PIK3C2G: variants seen among roughly 807,000 people sequenced by gnomAD.
PIK3C2G encodes phosphatidylinositol-4-phosphate 3-kinase catalytic subunit type 2 gamma, also known as phosphatidylinositol 3-kinase C2 domain-containing subunit gamma.
In PIK3C2G, 168 loss-of-function variants were observed where a neutral mutation model predicts 181.1. The ratio of observed to expected loss-of-function variants is 0.93; its 90% CI spans 0.82 to 1.05. PIK3C2G has a LOEUF of 1.05. PIK3C2G is among the 50% of genes least tolerant of loss of function. PIK3C2G has a pLI of 0.00. For missense variants in PIK3C2G, 1,869 were observed against 1,732.8 expected (o/e 1.08, Z -1.40); for synonymous variants, 573 against 592.2 (o/e 0.97, Z 0.47).
At chr12:18,267,020 T>C (rs1413856893) in intron 1 of PIK3C2G, among the ~76,000 whole-genome samples, 1 of 152,126 alleles carries the variant, frequency 6.6e-6, no homozygotes, top group Non-Finnish European at 1.5e-5. Flanking sequence ...GTTTCTACTT[T>C]TTCTGATTTA....
chr12:18,629,782 G>A lies in PIK3C2G; in HGVS notation c.4183-10647G>A, dbSNP rs116464363. 9.3e-3 allele frequency among the ~76,000 whole-genome samples: 1,409 copies of A among 152,226 alleles called. 19 individuals are homozygous for A. Among genetic ancestry groups the A allele is most frequent in the African/African-American group, 0.032 (1,311 of 41,530 alleles). On this transcript the variant is annotated intron_variant, in intron 31 of 32. Transcript: ENST00000538779. The stretch of plus-strand genomic sequence containing the variant: ...TCAGAGACATGCCTTCAGATGGCTA[G>A]CTGTTTAGGGTAAACACCTAGGATA...
chr12:18,536,882 G>A (rs189794506), intron 24 of PIK3C2G, among the ~76,000 whole-genome samples: 1 of 152,192 alleles, frequency 6.6e-6, no homozygotes, highest in African/African-American at 2.4e-5. Context: ...GTATGTATGT[G>A]CTCAATAAAT....
chr12:18,692,420 T>C, the PIK3C2G span, among the ~76,000 whole-genome samples: 1 of 152,170 alleles, frequency 6.6e-6, no homozygotes, highest in Non-Finnish European at 1.5e-5. Flanking sequence ...AAAATAAGCA[T>C]AGCACTTAGG....
rs1410617365 is a variant in PIK3C2G, at chr12:18,540,280, A to C, written c.3480+1968A>C. On this transcript the variant is annotated intron_variant, in intron 25 of 32. Transcript: ENST00000538779. ...CATTTCTAAATGCCTATAATGATATAAATAACTACATGTGAGGAATAGTAC... is the reference window on the plus strand; with the variant it reads ...CATTTCTAAATGCCTATAATGATATCAATAACTACATGTGAGGAATAGTAC... 2.0e-4 allele frequency among the ~76,000 whole-genome samples: 30 copies of C among 151,888 alleles called. 1 individual carries two copies. The highest frequency in any genetic ancestry group is 1.8e-3 in the Admixed American group (27 of 15,186).
chr12:18,264,177 C>G (rs1310538505), intron 1 of PIK3C2G, among the ~76,000 whole-genome samples: 2 of 151,796 alleles, frequency 1.3e-5, no homozygotes, highest in Non-Finnish European at 3.0e-5. Flanking sequence ...AAATTTATAT[C>G]TGTACTTTCT....
the PIK3C2G span, among the ~76,000 whole-genome samples, chr12:18,724,145 C>A: frequency 6.6e-6 from 1 of 151,954 alleles, no homozygotes; most frequent in Non-Finnish European, 1.5e-5. Context: ...AAAATCAATA[C>A]CAAAAATAGA....
At chr12:18,708,155 C>T in the PIK3C2G span, among the ~76,000 whole-genome samples, 2 of 152,158 alleles carry the variant, frequency 1.3e-5, no homozygotes, top group Non-Finnish European at 2.9e-5. Flanking sequence ...TCTGACCTAC[C>T]TTTCTCCATT....
intron 20 of PIK3C2G, among the ~76,000 whole-genome samples, chr12:18,492,610 T>C (rs193093504): frequency 2.3e-3 from 344 of 152,310 alleles, no homozygotes; most frequent in African/African-American, 7.1e-3. Context: ...GCTGCACATA[T>C]GTAGGAACTC....
intron 14 of PIK3C2G, among the ~76,000 whole-genome samples, chr12:18,382,596 A>G (rs1359954843): frequency 6.6e-6 from 1 of 152,162 alleles, no homozygotes; most frequent in Non-Finnish European, 1.5e-5. Context: ...TTTCAGCTTT[A>G]CCAGTGTTGA....
intron 1 of PIK3C2G, among the ~76,000 whole-genome samples, chr12:18,252,587 T>C (rs1247960855): frequency 6.6e-6 from 1 of 152,278 alleles, no homozygotes; most frequent in East Asian, 1.9e-4. Flanking sequence ...AAGAAGTGGC[T>C]AGTCGTGCAG....
At chr12:18,303,114 CCTT>C (rs893827376) in intron 5 of PIK3C2G, among the ~76,000 whole-genome samples, 2 of 126,012 alleles carry the variant, frequency 1.6e-5, no homozygotes, top group Non-Finnish European at 3.5e-5. Flanking sequence ...TTCTTTCTTT[CCTT>C]CTTTCTTTCT....
At chr12:18,676,442 T>C in the PIK3C2G span, among the ~76,000 whole-genome samples, 1 of 152,126 alleles carries the variant, frequency 6.6e-6, no homozygotes, top group African/African-American at 2.4e-5. Context: ...CCTTGCTTCT[T>C]CAGTGAAAAT....
chr12:18,430,369 C>G (rs576665498), intron 18 of PIK3C2G, among the ~76,000 whole-genome samples: 2 of 152,132 alleles, frequency 1.3e-5, no homozygotes, highest in African/African-American at 4.8e-5. Flanking sequence ...TAAGGTGTCA[C>G]TTAAGGCACC....
chr12:18,630,250 G>A (rs990463512), intron 31 of PIK3C2G, among the ~76,000 whole-genome samples: 2 of 152,018 alleles, frequency 1.3e-5, no homozygotes, highest in South Asian at 4.1e-4. Context: ...AAATTAGCCA[G>A]ACATAGTGAC....
chr12:18,591,739 A>G (rs1211321827), intron 29 of PIK3C2G, among the ~76,000 whole-genome samples: 1 of 151,906 alleles, frequency 6.6e-6, no homozygotes, highest in Non-Finnish European at 1.5e-5. Context: ...TAAGCAGTTA[A>G]TTATTAGATT....
rs576196194 is a variant in PIK3C2G, at chr12:18,386,730, T to C, written c.1996-4392T>C. Among the ~76,000 whole-genome samples the C allele has an allele frequency of 6.6e-5, 10 of 152,328 alleles. No homozygotes were observed. The South Asian group carries it at 1.9e-3, about 28-fold the overall frequency. On this transcript the variant is annotated intron_variant, in intron 14 of 32. Coordinates refer to ENST00000538779, the MANE Select transcript of PIK3C2G (RefSeq NM_001288772.2). ...TTATTAATTTATCCGTCAATGTACA[T>C]TTGGATTCTTTCCACTATTTAGCTA...
chr12:18,351,102 ATC>A (rs1940174842), intron 11 of PIK3C2G, among the ~76,000 whole-genome samples: 1 of 152,112 alleles, frequency 6.6e-6, no homozygotes, highest in Non-Finnish European at 1.5e-5. Flanking sequence ...TATAATAAAG[ATC>A]TCATCCACTT....
At chr12:18,657,285 G>T in the PIK3C2G span, among the ~76,000 whole-genome samples, 2 of 152,122 alleles carry the variant, frequency 1.3e-5, no homozygotes, top group East Asian at 3.9e-4. Flanking sequence ...GGGGAATAAG[G>T]GCTCTGAAAA....
chr12:18,722,543 C>T, the PIK3C2G span, among the ~76,000 whole-genome samples: 1 of 151,998 alleles, frequency 6.6e-6, no homozygotes, highest in Non-Finnish European at 1.5e-5. Context: ...TTGAGCTATT[C>T]TATCAGTTAG....
Sources: allele counts gnomAD v4.1 joint callset (sites outside exome capture counted in the v4.1 genomes callset), GRCh38; gene constraint gnomAD v4.1.1; transcripts MANE v1.5; gene names NCBI Gene and HGNC (gene_info 2026-07-23, HGNC 2026-07-21).